The following C1QL2 variants were observed in gnomAD, a reference collection of about 807,000 sequenced individuals.
The protein encoded by C1QL2 is complement C1q like 2.
A neutral mutation model predicts 16.6 loss-of-function variants in C1QL2; 13 were observed. That is an observed-to-expected ratio of 0.78 (90% CI 0.51 to 1.25). The LOEUF is 1.25. C1QL2 is among the 50% of genes most tolerant of loss of function. The pLI is 0.00. For synonymous variants in C1QL2, 210 were observed against 183.2 expected, an observed-to-expected ratio of 1.15 and a Z score of -1.18; for missense variants, 396 against 409.6, an observed-to-expected ratio of 0.97 and a Z score of 0.29.
chr2:119,156,678 G>C lies in C1QL2; in HGVS notation c.*124C>G. 1 of 1,154,490 alleles carries C rather than the reference G, an allele frequency of 8.7e-7. No homozygotes were observed. Among genetic ancestry groups the C allele is most frequent in the African/African-American group, 1.6e-5 (1 of 64,160 alleles). The allele number at this position is 1,154,490 out of a possible 1,614,324, so 71.5% of individuals were successfully genotyped here. On this transcript the variant is annotated 3_prime_UTR_variant, in exon 2 of 2. Coordinates refer to ENST00000272520, the MANE Select transcript of C1QL2 (RefSeq NM_182528.4). The stretch of plus-strand genomic sequence containing the variant: ...AGGAGCGGGGCAGGGAGGACGCAGG[G>C]ATTTGTCTTTTCCAAAGGAGATGTC...
Position 119,156,910 on chromosome 2 carries a change from G to C in C1QL2, c.756C>G (p.His252Gln). 1 of 1,614,094 alleles carries C rather than the reference G, an allele frequency of 6.2e-7. No homozygotes were observed. Among genetic ancestry groups the C allele is most frequent in the Non-Finnish European group, 8.5e-7 (1 of 1,179,946 alleles). ...CATACACTTCGTCCCCTGAATCCAA[G>C]TGCAGCACCACGCTGTTACTGGCGT... is the stretch of plus-strand genomic sequence containing the variant. ...YDYASNSVVL[H>Q]LDSGDEVYVK... Residue 252 changes from histidine (H) to glutamine (Q), a missense_variant, in exon 2 of 2, where the codon CAC (histidine) becomes CAG (glutamine). Coordinates refer to ENST00000272520, the MANE Select transcript of C1QL2 (RefSeq NM_182528.4).
rs574957257 is a variant in C1QL2, at chr2:119,156,758, G to A, written c.*44C>T. The A allele has an allele frequency of 6.3e-7, 1 of 1,591,104 alleles. No homozygotes were observed. The highest frequency in any genetic ancestry group is 2.2e-5 in the East Asian group (1 of 44,620). ...TGCCAAGGAGCCGCGCCCGGGCGGA[G>A]ACCGGGCGGCCTGCAGCCACCCCGC... On this transcript the variant is annotated 3_prime_UTR_variant, in exon 2 of 2. Coordinates refer to ENST00000272520, the MANE Select transcript of C1QL2 (RefSeq NM_182528.4).
In C1QL2 at chr2:119,158,331, G is replaced by C. The variant is rs1678002318; in HGVS notation, c.-62C>G. On this transcript the variant is annotated 5_prime_UTR_variant, in exon 1 of 2. Coordinates refer to ENST00000272520, the MANE Select transcript of C1QL2 (RefSeq NM_182528.4). ...CCGCCGCCGCTGCCACAGCCGGGAG[G>C]CGACCGCCACCAGCTCCTCCTTGCC... The C allele has an allele frequency of 3.1e-6, 4 of 1,295,898 alleles. No individual in the cohort carries two copies. Among genetic ancestry groups the C allele is most frequent in the Non-Finnish European group, 3.9e-6 (4 of 1,021,416 alleles). The allele number at this position is 1,295,898 out of a possible 1,614,324, so 80.3% of individuals were successfully genotyped here.
At chr2:119,157,012 G>T in intron 1 of C1QL2, 31 bp from the exon 2 acceptor site, 1 of 1,608,260 alleles carries the variant, frequency 6.2e-7, no homozygotes, top group Non-Finnish European at 8.5e-7. Flanking sequence ...CAGGTGAGCC[G>T]GGGCACCTCT....
Position 119,157,886 on chromosome 2 carries a change from G to C in C1QL2, c.384C>G (p.Gly128=). 1 of 1,572,568 alleles carries C rather than the reference G, an allele frequency of 6.4e-7. No individual in the cohort carries two copies. Among genetic ancestry groups the C allele is most frequent in the Non-Finnish European group, 8.6e-7 (1 of 1,159,732 alleles). The stretch of plus-strand genomic sequence containing the variant: ...CGGCCCCGCCGCCCACCACCCCGAC[G>C]CCGCTGGCCGTGCCCGCCGTCAGTT... The part of the protein sequence containing the change: ...GLQLTAGTAS[G]VGVVGGGAGV... Residue 128 remains glycine, a synonymous_variant, in exon 1 of 2, where the codon GGC becomes GGG. Transcript: ENST00000272520.
In C1QL2 at chr2:119,156,794, C is replaced by T; in HGVS notation, c.*8G>A. On this transcript the variant is annotated 3_prime_UTR_variant, in exon 2 of 2. Coordinates refer to ENST00000272520, the MANE Select transcript of C1QL2 (RefSeq NM_182528.4). ...CTGCAGCCACCCCGCCTCGCACCCC[C>T]CGCGCCCCTAATCCGGGTACAGAAG... 6.2e-7 allele frequency: 1 copy of T among 1,611,066 alleles called. No homozygotes were observed. Among genetic ancestry groups the T allele is most frequent in the Non-Finnish European group, 8.5e-7 (1 of 1,178,118 alleles).
chr2:119,158,297 G>A lies in C1QL2; in HGVS notation c.-28C>T. The A allele has an allele frequency of 7.4e-7, 1 of 1,358,210 alleles. No homozygotes were observed. Among genetic ancestry groups the A allele is most frequent in the African/African-American group, 1.5e-5 (1 of 65,348 alleles). The allele number at this position is 1,358,210 out of a possible 1,614,324, so 84.1% of individuals were successfully genotyped here. On this transcript the variant is annotated 5_prime_UTR_variant, in exon 1 of 2. Transcript: ENST00000272520. ...CCAAGAGTACGCCGACGGCCGCCAG[G>A]CAGGCACGCCGCCGCCGCTGCCACA... is the stretch of plus-strand genomic sequence containing the variant.
At position 119,157,911 on chromosome 2, in the gene C1QL2, TG is replaced by T; in HGVS notation, c.358del (p.Gln120AsnfsTer2). On this transcript the variant is annotated frameshift_variant, in exon 1 of 2. Transcript: ENST00000272520. LOFTEE classifies it high-confidence loss of function. ...GCCGCTGGCCGTGCCCGCCGTCAGT[TG>T]CAGCCCTGGCAGCCCGGGCCGCCCC... ...DSGRPGLPGLQLTAGTASGVG... is the reference protein window; with the variant it reads ...DSGRPGLPGLXLTAGTASGVG... The T allele has an allele frequency of 6.4e-7, 1 of 1,561,918 alleles. No homozygotes were observed. Among genetic ancestry groups the T allele is most frequent in the Non-Finnish European group, 8.7e-7 (1 of 1,153,858 alleles).
chr2:119,157,834 C>T lies in C1QL2; in HGVS notation c.436G>A (p.Val146Met). The T allele has an allele frequency of 6.3e-7, 1 of 1,590,294 alleles. No individual in the cohort carries two copies. Among genetic ancestry groups the T allele is most frequent in the Non-Finnish European group, 8.6e-7 (1 of 1,168,272 alleles). The part of the protein sequence containing the change: ...AGVGGDSEGE[V>M]TSALSATFSG... ...AAGGTGGCGCTCAGCGCACTGGTCA[C>T]TTCACCCTCGGAATCGCCACCTACC... Residue 146 changes from valine to methionine, a missense_variant, in exon 1 of 2, where the codon GTG (valine) becomes ATG (methionine). Transcript: ENST00000272520.
intron 1 of C1QL2, among the ~76,000 whole-genome samples, 153 bp from the exon 2 acceptor site, chr2:119,157,134 A>T (rs149804143): frequency 1.3e-5 from 2 of 151,548 alleles, no homozygotes; most frequent in Non-Finnish European, 2.9e-5. Context: ...AACTTAGTCA[A>T]CTCCTTCCAG....
Position 119,157,669 on chromosome 2 carries a change from C to A in C1QL2, c.601G>T (p.Gly201Cys). The A allele has an allele frequency of 6.2e-7, 1 of 1,614,114 alleles. No homozygotes were observed. The highest frequency in any genetic ancestry group is 8.5e-7 in the Non-Finnish European group (1 of 1,179,990). Residue 201 changes from glycine (G) to cysteine (C), a missense_variant, in exon 1 of 2, where the codon GGC becomes TGC. This residue lies in a region of C1QL2 where 353 missense variants were observed against 334.8 expected (regional missense o/e 1.05). Transcript: ENST00000272520. Reference sequence around the variant, plus strand: ...ATGTGGTAGGTGAAGAAGTAGATGCCGCGTACCTGGCAGCTGAACTTGCCC... The same window carrying A: ...ATGTGGTAGGTGAAGAAGTAGATGCAGCGTACCTGGCAGCTGAACTTGCCC... The part of the protein sequence containing the change: ...TTGKFSCQVR[G>C]IYFFTYHILM...
chr2:119,157,157 C>T (rs533821779), intron 1 of C1QL2, among the ~76,000 whole-genome samples, 176 bp from the exon 2 acceptor site: 4 of 152,342 alleles, frequency 2.6e-5, no homozygotes. Flanking sequence ...CCCCCCTCCT[C>T]CTCGCGCCGA....
Position 119,158,341 on chromosome 2 carries a change from C to G in C1QL2, c.-72G>C. 1.6e-6 allele frequency: 2 copies of G among 1,243,670 alleles called. No individual in the cohort carries two copies. The highest frequency in any genetic ancestry group is 2.0e-6 in the Non-Finnish European group (2 of 981,294). The allele number at this position is 1,243,670 out of a possible 1,614,324, so 77.0% of individuals were successfully genotyped here. A position where few individuals can be genotyped will look rare whatever the true frequency, so the allele number is the denominator to read the frequency against. On this transcript the variant is annotated 5_prime_UTR_variant, in exon 1 of 2. Transcript: ENST00000272520. ...TGCCACAGCCGGGAGGCGACCGCCA[C>G]CAGCTCCTCCTTGCCGCCCGGGGAG...
At position 119,158,336 on chromosome 2, in the gene C1QL2, C is replaced by A. The variant is rs1678002411; in HGVS notation, c.-67G>T. 1 of 1,272,318 alleles carries A rather than the reference C, an allele frequency of 7.9e-7. No individual in the cohort carries two copies. The highest frequency in any genetic ancestry group is 2.3e-5 in the South Asian group (1 of 42,982). The allele number at this position is 1,272,318 out of a possible 1,614,324, so 78.8% of individuals were successfully genotyped here. A position where few individuals can be genotyped will look rare whatever the true frequency, so the allele number is the denominator to read the frequency against. Reference sequence around the variant, plus strand: ...GCCGCTGCCACAGCCGGGAGGCGACCGCCACCAGCTCCTCCTTGCCGCCCG... The same window carrying A: ...GCCGCTGCCACAGCCGGGAGGCGACAGCCACCAGCTCCTCCTTGCCGCCCG... On this transcript the variant is annotated 5_prime_UTR_variant, in exon 1 of 2. Transcript: ENST00000272520.
At position 119,157,646 on chromosome 2, in the gene C1QL2, G is replaced by C. The variant is rs762321822; in HGVS notation, c.624C>G (p.His208Gln). Residue 208 changes from histidine to glutamine, a missense_variant, in exon 1 of 2, where the codon CAC becomes CAG. Physicochemically the swap from His to Gln is conservative, Grantham distance 24 (BLOSUM62 0). Around this residue, in one of 2 missense-constraint regions of C1QL2, gnomAD observed 353 missense variants for 334.8 expected, o/e 1.05. Transcript: ENST00000272520. ...QVRGIYFFTY[H>Q]ILMRGGDGTS... ...TGCCGTCGCCGCCGCGCATGAGGAT[G>C]TGGTAGGTGAAGAAGTAGATGCCGC... The C allele has an allele frequency of 6.2e-7, 1 of 1,614,190 alleles. No homozygotes were observed. Among genetic ancestry groups the C allele is most frequent in the Admixed American group, 1.7e-5 (1 of 60,036 alleles).
chr2:119,158,385 G>T lies in C1QL2; in HGVS notation c.-116C>A. The T allele has an allele frequency of 1.1e-6, 1 of 915,078 alleles. No individual in the cohort carries two copies. Among genetic ancestry groups the T allele is most frequent in the East Asian group, 3.6e-5 (1 of 28,114 alleles). The allele number at this position is 915,078 out of a possible 1,614,324, so 56.7% of individuals were successfully genotyped here. A position where few individuals can be genotyped will look rare whatever the true frequency, so the allele number is the denominator to read the frequency against. Reference sequence around the variant, plus strand: ...CGGGGAGGTAATGGTGGGGCGGCGCGGGCGGCCCCGCTCCCCGCGCTCGGG... The same window carrying T: ...CGGGGAGGTAATGGTGGGGCGGCGCTGGCGGCCCCGCTCCCCGCGCTCGGG... On this transcript the variant is annotated 5_prime_UTR_variant, in exon 1 of 2. Transcript: ENST00000272520.
intron 1 of C1QL2, 118 bp downstream of exon 1, chr2:119,157,468 G>T: frequency 7.9e-7 from 1 of 1,272,430 alleles, no homozygotes; most frequent in Non-Finnish European, 1.1e-6. Flanking sequence ...ACCGAGGCGC[G>T]TTCATTCCCG....
intron 1 of C1QL2, among the ~76,000 whole-genome samples, chr2:119,157,281 C>T: frequency 6.6e-6 from 1 of 152,162 alleles, no homozygotes; most frequent in East Asian, 1.9e-4. Flanking sequence ...AGGGGGCGAC[C>T]TGGAGAGAAC....
rs759691030 is a variant in C1QL2, at chr2:119,157,537, G to A, written c.684+49C>T. On this transcript the variant is annotated intron_variant, in intron 1 of 1. Coordinates refer to ENST00000272520, the MANE Select transcript of C1QL2 (RefSeq NM_182528.4). ...GGAGGCTGGTTCCCTGGGAGGTTCAGGGCGCGGGCGAGGGTTTACGGGGGC... is the reference window on the plus strand; with the variant it reads ...GGAGGCTGGTTCCCTGGGAGGTTCAAGGCGCGGGCGAGGGTTTACGGGGGC... The A allele has an allele frequency of 5.9e-6, 9 of 1,528,134 alleles. No homozygotes were observed. In the Admixed American group the frequency reaches 1.6e-4, roughly 27 times the overall value. 94.7% of individuals were successfully genotyped at this position (1,528,134 alleles called of 1,614,324 possible).
Sources: gnomAD v4.1 joint callset for allele counts (sites outside exome capture counted in the v4.1 genomes callset) on GRCh38, gnomAD v4.1.1 for gene constraint, gnomAD v4.1.1 regional missense constraint, MANE v1.5 for transcripts, NCBI Gene and HGNC (gene_info 2026-07-23, HGNC 2026-07-21) for gene names.